The following TCF4 variants were observed in gnomAD, a reference collection of about 807,000 sequenced individuals.
The protein encoded by TCF4 is transcription factor 4, also known as SL3-3 enhancer factor 2.
Under a neutral mutation model 82.1 loss-of-function variants are expected in TCF4, and 3 were observed. That is an observed-to-expected ratio of 0.04 (90% CI 0.02 to 0.09). TCF4 has a LOEUF of 0.09. Ranked by LOEUF, TCF4 falls within the 10% of genes least tolerant of loss-of-function variation. TCF4 has a pLI of 1.00. For synonymous variants in TCF4, 276 were observed against 309.6 expected (o/e 0.89, Z 1.14); for missense variants, 518 against 852.7 (o/e 0.61, Z 4.89).
rs1337348260 is a variant in TCF4 at position 55,227,313 on chromosome 18, T to C, written c.*722A>G. ...TTAAAAAAGTTAATCAGTACTATTT[T>C]TTTACAGGAGAAAAAAGTCTGAAAC... On this transcript the variant is annotated 3_prime_UTR_variant, in exon 20 of 20. Transcript: ENST00000354452. 1 of 150,926 alleles carries C rather than the reference T, an allele frequency of 6.6e-6. No individual in the cohort carries two copies. The highest frequency in any genetic ancestry group is 1.5e-5 in the Non-Finnish European group (1 of 67,760). The allele number at this position is 150,926 out of a possible 1,614,324, so 9.3% of individuals were successfully genotyped here.
Position 55,403,503 on chromosome 18 carries a change from C to G in TCF4, c.320G>C (p.Gly107Ala). 6.2e-7 allele frequency: 1 copy of G among 1,613,746 alleles called. No individual in the cohort carries two copies. Among genetic ancestry groups the G allele is most frequent in the Non-Finnish European group, 8.5e-7 (1 of 1,179,792 alleles). Residue 107 changes from glycine (G) to alanine (A), a missense_variant, in exon 6 of 20, where the codon GGC (glycine) becomes GCC (alanine). Gly to Ala is a moderately conservative substitution (Grantham distance 60). Transcript: ENST00000354452. The part of the protein sequence containing the change: ...NSRIQSKTER[G>A]SYSSYGRESN... The stretch of plus-strand genomic sequence containing the variant: ...TTCTCTCCCATAAGATGAGTATGAG[C>G]CCCTTTCTGTTTTACCTGCCAAGAG...
chr18:55,247,083 C>T (rs1207556070), intron 15 of TCF4, among the ~76,000 whole-genome samples: 1 of 152,112 alleles, frequency 6.6e-6, no homozygotes, highest in Admixed American at 6.5e-5. Flanking sequence ...GACAACGCTA[C>T]GGACAAAATG....
At chr18:55,528,044 C>T (rs577644967) in intron 3 of TCF4, among the ~76,000 whole-genome samples, 6 of 152,088 alleles carry the variant, frequency 3.9e-5, no homozygotes, top group African/African-American at 1.4e-4. Flanking sequence ...AAATTTGTTA[C>T]ACACAAAAAA....
intron 3 of TCF4, among the ~76,000 whole-genome samples, chr18:55,508,708 C>T (rs1161580852): frequency 6.6e-6 from 1 of 152,172 alleles, no homozygotes; most frequent in East Asian, 1.9e-4. Flanking sequence ...CTCACACTTG[C>T]TCTTTAATTA....
chr18:55,487,978 G>A (rs2096535277), intron 3 of TCF4, among the ~76,000 whole-genome samples: 1 of 151,734 alleles, frequency 6.6e-6, no homozygotes, highest in Non-Finnish European at 1.5e-5. Context: ...TGCAAAACTT[G>A]TTCAAATCAA....
At chr18:55,427,317 T>A (rs2095031230) in intron 5 of TCF4, among the ~76,000 whole-genome samples, 1 of 152,182 alleles carries the variant, frequency 6.6e-6, no homozygotes, top group Non-Finnish European at 1.5e-5. Flanking sequence ...GTTCTGCCAA[T>A]AGCTAGCTGT....
rs909638309 is a variant in TCF4 at position 55,309,581 on chromosome 18, G to A, written c.550-29925C>T. Among the ~76,000 whole-genome samples, 11 of 152,208 alleles carry A rather than the reference G, an allele frequency of 7.2e-5. No individual in the cohort carries two copies. The South Asian group carries it at 1.9e-3, about 26-fold the overall frequency. ...GGTTGAGAAAATGTCTGAAAGAACCGAAGCTTACAACTGTATTTTACTGGA... is the reference window on the plus strand; with the variant it reads ...GGTTGAGAAAATGTCTGAAAGAACCAAAGCTTACAACTGTATTTTACTGGA... On this transcript the variant is annotated intron_variant, in intron 8 of 19. Coordinates refer to ENST00000354452, the MANE Select transcript of TCF4 (RefSeq NM_001083962.2).
At position 55,552,122 on chromosome 18, in the gene TCF4, A is replaced by C. The variant is rs79410409; in HGVS notation, c.145+33158T>G. Among the ~76,000 whole-genome samples the C allele has an allele frequency of 1.3e-4, 20 of 152,288 alleles. No individual in the cohort carries two copies. The East Asian group carries it at 3.3e-3, about 25-fold the overall frequency. On this transcript the variant is annotated intron_variant, in intron 3 of 19. Transcript: ENST00000354452. Reference sequence around the variant, plus strand: ...TCTATTTAGCTCATTCAAATATCCCATTCCATCTAGGATTGCTTTTGGTCT... The same window carrying C: ...TCTATTTAGCTCATTCAAATATCCCCTTCCATCTAGGATTGCTTTTGGTCT...
intron 5 of TCF4, chr18:55,422,322 A>G: frequency 1.0e-6 from 1 of 985,344 alleles, no homozygotes; most frequent in Non-Finnish European, 1.2e-6. Flanking sequence ...AGAACACAAC[A>G]TGCTGGGGCT....
At chr18:55,292,040 G>A (rs542299664) in intron 8 of TCF4, among the ~76,000 whole-genome samples, 117 of 152,254 alleles carry the variant, frequency 7.7e-4, no homozygotes, top group Non-Finnish European at 1.3e-3. Context: ...TCCTGAGATA[G>A]GACCAGAAGA....
chr18:55,475,175 T>C (rs1021991781), intron 3 of TCF4, among the ~76,000 whole-genome samples: 1 of 152,244 alleles, frequency 6.6e-6, no homozygotes, highest in African/African-American at 2.4e-5. Context: ...GATCATGCAC[T>C]GCACTGAATT....
At chr18:55,377,659 A>T (rs2091076342) in intron 6 of TCF4, among the ~76,000 whole-genome samples, 1 of 152,244 alleles carries the variant, frequency 6.6e-6, no homozygotes, top group Admixed American at 6.5e-5. Flanking sequence ...AAACCCCATC[A>T]TGTTACCACT....
At chr18:55,542,965 C>T (rs1391114129) in intron 3 of TCF4, among the ~76,000 whole-genome samples, 1 of 152,040 alleles carries the variant, frequency 6.6e-6, no homozygotes. Flanking sequence ...AGGCACTCCC[C>T]ATTTACTGTC....
chr18:55,387,252 T>C (rs1195693608), intron 6 of TCF4, among the ~76,000 whole-genome samples: 1 of 152,230 alleles, frequency 6.6e-6, no homozygotes, highest in Non-Finnish European at 1.5e-5. Context: ...GAATCACATC[T>C]ACTGAAAATA....
intron 3 of TCF4, among the ~76,000 whole-genome samples, chr18:55,502,132 T>C (rs971260756): frequency 6.6e-6 from 1 of 152,212 alleles, no homozygotes; most frequent in Non-Finnish European, 1.5e-5. Context: ...TTTATGCCTT[T>C]CTAACCTGGA....
chr18:55,380,448 G>T (rs913829455), intron 6 of TCF4, among the ~76,000 whole-genome samples: 1 of 151,824 alleles, frequency 6.6e-6, no homozygotes, highest in African/African-American at 2.4e-5. Flanking sequence ...GCCCCAGTGT[G>T]TCTTCCTCTT....
intron 6 of TCF4, 50 bp from the exon 7 acceptor site, chr18:55,351,053 T>C (rs781751497): frequency 6.2e-7 from 1 of 1,610,036 alleles, no homozygotes; most frequent in Non-Finnish European, 8.5e-7. Context: ...TTTTTTACTT[T>C]CACCACCTCC....
chr18:55,500,519 A>ACTAT (rs1253476347), intron 3 of TCF4, among the ~76,000 whole-genome samples: 24 of 152,186 alleles, frequency 1.6e-4, no homozygotes, highest in Admixed American at 1.2e-3. Context: ...TGTTTATACG[A>ACTAT]CTATTTAATG....
intron 3 of TCF4, among the ~76,000 whole-genome samples, chr18:55,491,915 C>T (rs1418236295): frequency 6.6e-6 from 1 of 152,120 alleles, no homozygotes; most frequent in Non-Finnish European, 1.5e-5. Flanking sequence ...TGGTTGAGGG[C>T]AGTGCATTTA....
Sources: allele counts gnomAD v4.1 joint callset (sites outside exome capture counted in the v4.1 genomes callset), GRCh38; gene constraint gnomAD v4.1.1; transcripts MANE v1.5; gene names NCBI Gene and HGNC (gene_info 2026-07-23, HGNC 2026-07-21).